TRIM2: variants seen among roughly 807,000 people sequenced by gnomAD.
TRIM2 encodes tripartite motif-containing protein 2.
TRIM2 carries 20 observed loss-of-function variants against 75.2 expected under a neutral mutation model. That is an observed-to-expected ratio of 0.27 (90% confidence interval 0.19 to 0.39). The LOEUF is 0.39. Ranked by LOEUF, TRIM2 falls within the 10% of genes least tolerant of loss-of-function variation. The pLI, the probability that TRIM2 is intolerant of heterozygous loss-of-function variation, is 1.00. For synonymous variants in TRIM2, 373 were observed against 388.3 expected (o/e 0.96, Z 0.46); for missense variants, 660 against 990.8 (o/e 0.67, Z 4.48).
intron 6 of TRIM2, among the ~76,000 whole-genome samples, chr4:153,309,062 A>G (rs1394251647): frequency 6.6e-6 from 1 of 152,228 alleles, no homozygotes; most frequent in East Asian, 1.9e-4. Flanking sequence ...AATGGTGTAC[A>G]GGACAGATGT....
chr4:153,168,054 A>G (rs1730481469), intron 1 of TRIM2, among the ~76,000 whole-genome samples: 1 of 152,218 alleles, frequency 6.6e-6, no homozygotes, highest in Non-Finnish European at 1.5e-5. Flanking sequence ...AAAAATAGAG[A>G]AAATGTAGCC....
At chr4:153,214,153 G>A (rs1028859614) in intron 1 of TRIM2, among the ~76,000 whole-genome samples, 1 of 152,144 alleles carries the variant, frequency 6.6e-6, no homozygotes, top group Non-Finnish European at 1.5e-5. Context: ...CATTTAAAAG[G>A]TTTTTGATAC....
At chr4:153,299,835 T>C (rs1763495223) in intron 6 of TRIM2, among the ~76,000 whole-genome samples, 2 of 152,160 alleles carry the variant, frequency 1.3e-5, no homozygotes, top group South Asian at 4.2e-4. Context: ...GGCTCATACC[T>C]GTACTCTCTT....
intron 1 of TRIM2, among the ~76,000 whole-genome samples, chr4:153,190,779 C>T (rs1475029203): frequency 6.6e-6 from 1 of 151,846 alleles, no homozygotes; most frequent in Admixed American, 6.6e-5. Flanking sequence ...ACTCTGTTGC[C>T]CAGGCTAGAA....
Position 153,295,922 on chromosome 4 carries a change from A to G in TRIM2, c.1396A>G (p.Lys466Glu), listed in dbSNP as rs764736597. ...PTTEGVKRRV[K>E]SPGSGHVKQK... is the part of the protein sequence containing the mutation. ...CACAGAAGGCGTGAAGAGGCGCGTT[A>G]AGTCCCCGGGGAGCGGCCACGTCAA... Residue 466 changes from lysine (K) to glutamate (E), a missense_variant, in exon 6 of 12, where the codon AAG becomes GAG. Coordinates refer to ENST00000338700, the MANE Select transcript of TRIM2 (RefSeq NM_015271.5). This position sits in a 1 kb window ranked among gnomAD's most constrained non-coding sequence, Gnocchi z 7.2. The G allele has an allele frequency of 6.2e-7, 1 of 1,608,296 alleles. No individual in the cohort carries two copies. The highest frequency in any genetic ancestry group is 8.5e-7 in the Non-Finnish European group (1 of 1,177,106).
intron 1 of TRIM2, among the ~76,000 whole-genome samples, chr4:153,212,440 G>A (rs1579610368): frequency 6.6e-6 from 1 of 152,198 alleles, no homozygotes; most frequent in African/African-American, 2.4e-5. Context: ...TGGATATAAT[G>A]TACATTACTC....
At chr4:153,241,092 C>T (rs1355015402) in intron 1 of TRIM2, among the ~76,000 whole-genome samples, 1 of 152,034 alleles carries the variant, frequency 6.6e-6, no homozygotes, top group South Asian at 2.1e-4. Context: ...AACAAACAAA[C>T]AAAAAAACCT....
At chr4:153,218,914 A>T (rs1056091319) in intron 1 of TRIM2, among the ~76,000 whole-genome samples, 2 of 152,200 alleles carry the variant, frequency 1.3e-5, no homozygotes, top group Non-Finnish European at 2.9e-5. Context: ...CTGAATTCTC[A>T]AAACAGTTTT....
In TRIM2 at chr4:153,314,898, T is replaced by C. The variant is rs181933964; in HGVS notation, c.1511-587T>C. Among the ~76,000 whole-genome samples, 67 of 152,286 alleles carry C rather than the reference T, an allele frequency of 4.4e-4. No individual in the cohort carries two copies. The East Asian group carries it at 0.011, about 25-fold the overall frequency. On this transcript the variant is annotated intron_variant, in intron 6 of 11. Coordinates refer to ENST00000338700, the MANE Select transcript of TRIM2 (RefSeq NM_015271.5). ...AGAGGGTAGAATTTTGGCAAAACTG[T>C]AAAATAAGGCCCTTTCCTGTTGCAT...
intron 1 of TRIM2, among the ~76,000 whole-genome samples, chr4:153,216,790 A>C (rs1738593593): frequency 6.6e-6 from 1 of 152,192 alleles, no homozygotes; most frequent in Non-Finnish European, 1.5e-5. Context: ...AGGGGATGGA[A>C]GGACAAAAGG....
At chr4:153,290,557 T>C (rs1271072054) in intron 3 of TRIM2, among the ~76,000 whole-genome samples, 1 of 152,208 alleles carries the variant, frequency 6.6e-6, no homozygotes, top group African/African-American at 2.4e-5. Flanking sequence ...ATGACCAGTA[T>C]TATAGTCTTT....
chr4:153,230,798 A>G (rs1490814097), intron 1 of TRIM2, among the ~76,000 whole-genome samples: 1 of 152,246 alleles, frequency 6.6e-6, no homozygotes, highest in Non-Finnish European at 1.5e-5. Context: ...CAAATCTAGA[A>G]GAACCAGCTC....
chr4:153,258,565 A>G (rs1752650072), intron 1 of TRIM2, among the ~76,000 whole-genome samples: 1 of 152,150 alleles, frequency 6.6e-6, no homozygotes, highest in Non-Finnish European at 1.5e-5. Context: ...TTTGTTTTAA[A>G]TTAAAAATTG....
intron 6 of TRIM2, among the ~76,000 whole-genome samples, chr4:153,302,120 T>G (rs572262682): frequency 1.3e-5 from 2 of 152,370 alleles, no homozygotes; most frequent in African/African-American, 4.8e-5. Flanking sequence ...ATCTTTTTAT[T>G]TATTTATGTT....
intron 1 of TRIM2, among the ~76,000 whole-genome samples, chr4:153,218,168 G>A (rs538201077): frequency 1.3e-5 from 2 of 152,276 alleles, no homozygotes; most frequent in Non-Finnish European, 1.5e-5. Flanking sequence ...TATTTATTAA[G>A]CATATTGTAT....
In TRIM2 at chr4:153,307,921, C is replaced by T. The variant is rs1187783032; in HGVS notation, c.1511-7564C>T. 1.6e-5 allele frequency: 12 copies of T among 752,966 alleles called. No individual in the cohort carries two copies. In the East Asian group the frequency reaches 2.5e-4, roughly 16 times the overall value. 46.6% of individuals were successfully genotyped at this position (752,966 alleles called of 1,614,324 possible). On this transcript the variant is annotated intron_variant, in intron 6 of 11. Coordinates refer to ENST00000338700, the MANE Select transcript of TRIM2 (RefSeq NM_015271.5). Reference sequence around the variant, plus strand: ...CTGATCAGGACCTTATCTTGAGTCCCCATGCCCATTATGGAGTCGTACAGC... The same window carrying T: ...CTGATCAGGACCTTATCTTGAGTCCTCATGCCCATTATGGAGTCGTACAGC...
rs34229298 is a variant in TRIM2, at chr4:153,311,726, A to ATT, written c.1511-3745_1511-3744dup. ...TTTAATTCCATGCTTGTGTTTATCA[A>ATT]TTTTTTTTTTTTTTTGTAGAGATGG... On this transcript the variant is annotated intron_variant, in intron 6 of 11. Coordinates refer to ENST00000338700, the MANE Select transcript of TRIM2 (RefSeq NM_015271.5). 5.9e-4 allele frequency among the ~76,000 whole-genome samples: 82 copies of ATT among 138,418 alleles called. 2 individuals are homozygous for ATT. The highest frequency in any genetic ancestry group is 1.2e-3 in the Admixed American group (17 of 13,782). The allele number at this position is 138,418 out of a possible 152,430, so 90.8% of individuals were successfully genotyped here.
At chr4:153,286,548 T>A (rs1015590174) in intron 3 of TRIM2, among the ~76,000 whole-genome samples, 2 of 152,228 alleles carry the variant, frequency 1.3e-5, no homozygotes, top group African/African-American at 4.8e-5. Flanking sequence ...CATGTCAGTT[T>A]TGATAGTTTG....
intron 1 of TRIM2, among the ~76,000 whole-genome samples, chr4:153,196,272 C>CG (rs1491468741): frequency 1.5e-5 from 2 of 132,906 alleles, no homozygotes; most frequent in African/African-American, 5.7e-5. Context: ...CACCCCCCCC[C>CG]ACACACACAC....
Sources: allele counts gnomAD v4.1 joint callset (sites outside exome capture counted in the v4.1 genomes callset), GRCh38; gene constraint gnomAD v4.1.1; non-coding constraint Gnocchi (gnomAD v3.1); transcripts MANE v1.5; gene names NCBI Gene and HGNC (gene_info 2026-07-23, HGNC 2026-07-21).